Variants in SLC9B1 observed in about 807,000 individuals in gnomAD.
SLC9B1 encodes the protein solute carrier family 9 member B1.
SLC9B1 carries 32 observed loss-of-function variants against 51.7 expected under a neutral mutation model. That is an observed-to-expected ratio of 0.62 (90% CI 0.47 to 0.83). The LOEUF (loss-of-function observed/expected upper bound fraction) is 0.83. Among genes scored for constraint, SLC9B1 ranks in the 40% least tolerant of loss-of-function variants. SLC9B1 has a pLI of 0.00. For missense variants in SLC9B1, 406 were observed against 613.2 expected, an observed-to-expected ratio of 0.66 and a Z score of 3.57; for synonymous variants, 145 against 212.7, an observed-to-expected ratio of 0.68 and a Z score of 2.77.
intron 1 of SLC9B1, among the ~76,000 whole-genome samples, chr4:103,009,513 A>G (rs1179632824): frequency 6.6e-6 from 1 of 152,244 alleles, no homozygotes; most frequent in East Asian, 1.9e-4. Context: ...AATTTCCTTT[A>G]AAAATCATAA....
chr4:102,914,569 G>C (rs1251788266), intron 7 of SLC9B1, among the ~76,000 whole-genome samples: 1 of 152,084 alleles, frequency 6.6e-6, no homozygotes. Context: ...GAGTTGATTA[G>C]GTCTGATGTC....
intron 9 of SLC9B1, among the ~76,000 whole-genome samples, chr4:102,909,818 G>T (rs1365607772): frequency 6.6e-6 from 1 of 152,044 alleles, no homozygotes; most frequent in Non-Finnish European, 1.5e-5. Flanking sequence ...TTATTTGTTT[G>T]TTTATTATTT....
chr4:102,899,505 C>A (rs970160619), downstream of SLC9B1, among the ~76,000 whole-genome samples: 1 of 151,778 alleles, frequency 6.6e-6, no homozygotes, highest in African/African-American at 2.4e-5. Flanking sequence ...CCTCTGCCTC[C>A]TGGGTTCAAG....
At chr4:102,947,559 C>T (rs1413801495) in intron 4 of SLC9B1, among the ~76,000 whole-genome samples, 2 of 152,162 alleles carry the variant, frequency 1.3e-5, no homozygotes, top group African/African-American at 4.8e-5. Flanking sequence ...TGCTATATTG[C>T]CCAGGCTGGT....
At chr4:102,942,546 T>G (rs1297467818) in intron 6 of SLC9B1, among the ~76,000 whole-genome samples, 2 of 152,104 alleles carry the variant, frequency 1.3e-5, no homozygotes, top group African/African-American at 4.8e-5. Flanking sequence ...AACTGATCTT[T>G]AACAAAGGAA....
intron 7 of SLC9B1, among the ~76,000 whole-genome samples, chr4:102,926,134 A>G (rs1736159542): frequency 6.6e-6 from 1 of 152,308 alleles, no homozygotes; most frequent in Non-Finnish European, 1.5e-5. Context: ...ACCCACAGCC[A>G]ATATCATACT....
chr4:102,972,487 C>G (rs558570389), intron 3 of SLC9B1, among the ~76,000 whole-genome samples: 1 of 152,282 alleles, frequency 6.6e-6, no homozygotes, highest in African/African-American at 2.4e-5. Flanking sequence ...CTCAGGTGAT[C>G]TGCTCGCCTC....
chr4:102,921,507 CG>C (rs201833611), intron 7 of SLC9B1, among the ~76,000 whole-genome samples: 3,702 of 152,218 alleles, frequency 0.024, 66 homozygotes, highest in Non-Finnish European at 0.034. Flanking sequence ...CATCAATTAA[CG>C]GGCAAATAAC....
At chr4:102,982,145 T>C (rs1458979613) in intron 3 of SLC9B1, among the ~76,000 whole-genome samples, 1 of 152,076 alleles carries the variant, frequency 6.6e-6, no homozygotes, top group African/African-American at 2.4e-5. Context: ...TTTGTCATGA[T>C]GTATAGTTGA....
chr4:102,962,389 G>A (rs950021687), intron 3 of SLC9B1: 4 of 537,342 alleles, frequency 7.4e-6, no homozygotes, highest in Non-Finnish European at 1.5e-5. Context: ...ATATCTTTGA[G>A]CAGAATCTGA....
intron 9 of SLC9B1, among the ~76,000 whole-genome samples, chr4:102,909,726 T>C (rs1463000680): frequency 6.6e-6 from 1 of 152,308 alleles, no homozygotes; most frequent in South Asian, 2.1e-4. Context: ...GGGGGTTTGA[T>C]ATTTGACAGT....
rs1738034863 is a variant in SLC9B1 at position 102,960,299 on chromosome 4, G to T, written c.212-10872C>A. ...AAAGGAAGGATGTTCTGATTAAGAA[G>T]GATAGGTAAAGGGCAATTACAACTC... On this transcript the variant is annotated intron_variant, in intron 3 of 11. Transcript: ENST00000296422. Among the ~76,000 whole-genome samples the T allele has an allele frequency of 1.3e-5, 2 of 151,890 alleles. 1 individual carries two copies. The highest frequency in any genetic ancestry group is 4.1e-4 in the South Asian group (2 of 4,834).
chr4:102,962,664 T>C, intron 3 of SLC9B1: 4 of 467,558 alleles, frequency 8.6e-6, no homozygotes, highest in East Asian at 6.9e-5. Flanking sequence ...AATCACATCC[T>C]GATTGTAGGT....
At chr4:102,892,161 C>T (rs10452178) in intron 11 of SLC9B1, 23,888 of 151,876 alleles carry the variant, frequency 0.16, 1,995 homozygotes, top group African/African-American at 0.19. Flanking sequence ...TGTGCTCAAG[C>T]GATCCTCCCA....
chr4:102,915,392 A>G (rs1161590815), intron 7 of SLC9B1, among the ~76,000 whole-genome samples: 1 of 152,034 alleles, frequency 6.6e-6, no homozygotes, highest in Non-Finnish European at 1.5e-5. Context: ...TTTTTTCTTT[A>G]CTTTTTTCTT....
intron 3 of SLC9B1, among the ~76,000 whole-genome samples, chr4:102,988,435 G>T (rs912852879): frequency 2.6e-5 from 4 of 152,182 alleles, no homozygotes; most frequent in Admixed American, 1.3e-4. Flanking sequence ...AAAACATGTT[G>T]TTCTATTTCC....
chr4:102,903,878 C>T (rs962273102), intron 11 of SLC9B1, among the ~76,000 whole-genome samples: 4 of 152,178 alleles, frequency 2.6e-5, no homozygotes, highest in African/African-American at 9.7e-5. Context: ...ACTGCAACAA[C>T]CAGACACTGT....
intron 6 of SLC9B1, among the ~76,000 whole-genome samples, chr4:102,935,494 T>C (rs1360241227): frequency 6.6e-6 from 1 of 152,188 alleles, no homozygotes; most frequent in Non-Finnish European, 1.5e-5. Flanking sequence ...AAACTTATAT[T>C]TAAGTAAAAT....
chr4:103,012,113 C>G (rs975623067), intron 1 of SLC9B1, among the ~76,000 whole-genome samples: 1 of 152,174 alleles, frequency 6.6e-6, no homozygotes, highest in Non-Finnish European at 1.5e-5. Context: ...TAAATTCCAT[C>G]TTGAATTAAT....
Sources: gnomAD v4.1 joint callset for allele counts (sites outside exome capture counted in the v4.1 genomes callset) on GRCh38, gnomAD v4.1.1 for gene constraint, MANE v1.5 for transcripts, NCBI Gene and HGNC (gene_info 2026-07-23, HGNC 2026-07-21) for gene names.